The following SERINC5 variants were observed in gnomAD, a reference collection of about 807,000 sequenced individuals.
SERINC5 encodes chromosome 5 open reading frame 12.
In SERINC5, 41 loss-of-function variants were observed where a neutral mutation model predicts 63.1. That is an observed-to-expected ratio of 0.65 (90% CI 0.51 to 0.84). The LOEUF is 0.84. Ranked by LOEUF, SERINC5 falls within the 40% of genes least tolerant of loss-of-function variation. The pLI, the probability that SERINC5 is intolerant of heterozygous loss-of-function variation, is 0.00. For missense variants in SERINC5, 523 were observed against 573.0 expected, an observed-to-expected ratio of 0.91 and a Z score of 0.89; for synonymous variants, 222 against 215.2, an observed-to-expected ratio of 1.03 and a Z score of -0.28.
chr5:80,207,359 A>G (rs935505629), intron 1 of SERINC5, among the ~76,000 whole-genome samples: 7 of 152,202 alleles, frequency 4.6e-5, no homozygotes, highest in African/African-American at 1.7e-4. Flanking sequence ...ATTTGGGAAA[A>G]TAAGTATTTT....
intron 1 of SERINC5, among the ~76,000 whole-genome samples, chr5:80,243,896 T>C (rs966768915): frequency 1.3e-5 from 2 of 151,948 alleles, no homozygotes; most frequent in Non-Finnish European, 2.9e-5. Context: ...CCACAAACTT[T>C]CATAGAAAAA....
At chr5:80,151,907 CAGCGA>C (rs756659690) in intron 8 of SERINC5, among the ~76,000 whole-genome samples, 5 of 152,036 alleles carry the variant, frequency 3.3e-5, no homozygotes, top group Non-Finnish European at 5.9e-5. Flanking sequence ...CATCTCAATC[CAGCGA>C]ACCCCATGAG....
intron 1 of SERINC5, chr5:80,255,227 A>C (rs1752599558): frequency 6.6e-6 from 1 of 152,466 alleles, no homozygotes; most frequent in African/African-American, 2.4e-5. Flanking sequence ...GTTAAAAAAC[A>C]GGTTCGAACA....
intron 12 of SERINC5, among the ~76,000 whole-genome samples, chr5:80,112,188 G>T (rs1160883362): frequency 6.6e-6 from 1 of 152,140 alleles, no homozygotes; most frequent in Non-Finnish European, 1.5e-5. Context: ...GTCTCATACC[G>T]AACGGAATGT....
Position 80,159,108 on chromosome 5 carries a change from G to C in SERINC5, c.860-146C>G, listed in dbSNP as rs1009480517. 1.5e-5 allele frequency: 11 copies of C among 756,982 alleles called. No individual in the cohort carries two copies. In the African/African-American group the frequency reaches 1.9e-4, roughly 13 times the overall value. The allele number at this position is 756,982 out of a possible 1,614,324, so 46.9% of individuals were successfully genotyped here. The stretch of plus-strand genomic sequence containing the variant: ...TATCACTGGAAACTTCTACTCTACA[G>C]GCTGTTTCCATGCAGACTGGATTTC... On this transcript the variant is annotated intron_variant, in intron 7 of 11. Coordinates refer to ENST00000507668, the MANE Select transcript of SERINC5 (RefSeq NM_001174072.3).
intron 11 of SERINC5, among the ~76,000 whole-genome samples, chr5:80,118,816 G>A (rs113265963): frequency 0.053 from 7,915 of 149,498 alleles, 704 homozygotes; most frequent in African/African-American, 0.18. Flanking sequence ...ACCCACCTCG[G>A]CCTCCCAAAG....
intron 1 of SERINC5, among the ~76,000 whole-genome samples, chr5:80,252,092 T>A (rs1413963090): frequency 7.2e-6 from 1 of 139,668 alleles, no homozygotes; most frequent in African/African-American, 2.7e-5. Flanking sequence ...AGACAGCGTC[T>A]CACTCTGTTG....
At chr5:80,215,300 ATGTAAG>A (rs1750613791) in intron 1 of SERINC5, among the ~76,000 whole-genome samples, 1 of 152,100 alleles carries the variant, frequency 6.6e-6, no homozygotes, top group African/African-American at 2.4e-5. Context: ...TGCTCCTGCC[ATGTAAG>A]ACACCTGCTC....
intron 1 of SERINC5, among the ~76,000 whole-genome samples, chr5:80,224,807 G>A (rs1010189598): frequency 2.6e-5 from 4 of 151,936 alleles, no homozygotes; most frequent in African/African-American, 9.7e-5. Flanking sequence ...TGTATTTTTA[G>A]TAGAGACGGG....
At chr5:80,219,760 G>A (rs994207236) in intron 1 of SERINC5, among the ~76,000 whole-genome samples, 2 of 152,168 alleles carry the variant, frequency 1.3e-5, no homozygotes, top group African/African-American at 4.8e-5. Flanking sequence ...TTTGCAAAAG[G>A]AACCAGGGCC....
At chr5:80,167,318 G>A (rs1433070982) in intron 6 of SERINC5, 1 of 152,060 alleles carries the variant, frequency 6.6e-6, no homozygotes, top group African/African-American at 2.4e-5. Flanking sequence ...CCACTTTTAA[G>A]CAAGAACATG....
At chr5:80,144,175 G>C (rs1745679204) in intron 11 of SERINC5, among the ~76,000 whole-genome samples, 1 of 152,242 alleles carries the variant, frequency 6.6e-6, no homozygotes, top group South Asian at 2.1e-4. Context: ...GCGGCAGCAT[G>C]TGTCAGTCCT....
intron 1 of SERINC5, among the ~76,000 whole-genome samples, chr5:80,205,232 C>T (rs1182203735): frequency 2.6e-5 from 4 of 152,228 alleles, no homozygotes; most frequent in Non-Finnish European, 5.9e-5. Flanking sequence ...TCACTCAGGT[C>T]CTCCTTTCCA....
Position 80,139,725 on chromosome 5 carries a change from A to T in SERINC5, c.*3938T>A. 1.0e-6 allele frequency: 1 copy of T among 985,490 alleles called. No homozygotes were observed. Among genetic ancestry groups the T allele is most frequent in the Non-Finnish European group, 1.2e-6 (1 of 829,958 alleles). 61.0% of individuals were successfully genotyped at this position (985,490 alleles called of 1,614,324 possible). A position where few individuals can be genotyped will look rare whatever the true frequency, so the allele number is the denominator to read the frequency against. The stretch of plus-strand genomic sequence containing the variant: ...ACTAAGTTAACTAGCAAGTTACAGG[A>T]AATAGCCTTCAGTAAATTCCACAAG... On this transcript the variant is annotated 3_prime_UTR_variant, in exon 12 of 12. Transcript: ENST00000507668.
At chr5:80,135,439 G>A (rs1745126601), downstream of SERINC5, among the ~76,000 whole-genome samples, 1 of 152,198 alleles carries the variant, frequency 6.6e-6, no homozygotes, top group Non-Finnish European at 1.5e-5. Flanking sequence ...GGATGGCTCT[G>A]TGGGTGCAGG....
intron 2 of SERINC5, among the ~76,000 whole-genome samples, chr5:80,188,411 C>A (rs1237094675): frequency 1.3e-5 from 2 of 151,940 alleles, no homozygotes; most frequent in Non-Finnish European, 2.9e-5. Context: ...TACAAATAAC[C>A]CAGTGTCCTT....
intron 8 of SERINC5, among the ~76,000 whole-genome samples, chr5:80,153,912 C>G (rs774672163): frequency 2.6e-5 from 4 of 152,210 alleles, no homozygotes; most frequent in Non-Finnish European, 5.9e-5. Flanking sequence ...AGGTGCCCCT[C>G]AACACTGGCA....
rs2112285244 is a variant in SERINC5, at chr5:80,141,265, AT to A, written c.*2397del. 1.0e-6 allele frequency: 1 copy of A among 985,458 alleles called. No homozygotes were observed. Among genetic ancestry groups the A allele is most frequent in the African/African-American group, 1.7e-5 (1 of 57,354 alleles). 61.0% of individuals were successfully genotyped at this position (985,458 alleles called of 1,614,324 possible). On this transcript the variant is annotated 3_prime_UTR_variant, in exon 12 of 12. Coordinates refer to ENST00000507668, the MANE Select transcript of SERINC5 (RefSeq NM_001174072.3). ...AGACCAACCGGCAGAAGGGAACGGG[AT>A]GTCACAAACCAGACTCACGCATCTG...
rs527847793 is a variant in SERINC5 at position 80,228,905 on chromosome 5, A to G, written c.28-25852T>C. Among the ~76,000 whole-genome samples the G allele has an allele frequency of 3.9e-5, 6 of 152,314 alleles. No individual in the cohort carries two copies. The East Asian group carries it at 1.2e-3, about 29-fold the overall frequency. Reference sequence around the variant, plus strand: ...ACTCTTCAAAGTTAACTATGACAAGAAACAAGAACAAAAGAAAAAGGTGGA... The same window carrying G: ...ACTCTTCAAAGTTAACTATGACAAGGAACAAGAACAAAAGAAAAAGGTGGA... On this transcript the variant is annotated intron_variant, in intron 1 of 11. Transcript: ENST00000507668.
Sources: allele counts gnomAD v4.1 joint callset (sites outside exome capture counted in the v4.1 genomes callset), GRCh38; gene constraint gnomAD v4.1.1; transcripts MANE v1.5; gene names NCBI Gene and HGNC (gene_info 2026-07-23, HGNC 2026-07-21).